CUX2: variants seen among roughly 807,000 people sequenced by gnomAD.
CUX2 encodes the protein cut like homeobox 2, also known as homeobox protein cut-like 2.
In CUX2, 40 loss-of-function variants were observed where a neutral mutation model predicts 144.8. That is an observed-to-expected ratio of 0.28 (90% CI 0.21 to 0.36). The LOEUF (loss-of-function observed/expected upper bound fraction) is 0.36. CUX2 is among the 10% of genes least tolerant of loss of function. The probability of loss-of-function intolerance (pLI) is 1.00; values close to 1 mark genes in which losing one functional copy is unlikely to be tolerated. For missense variants in CUX2, 1,615 were observed against 1,994.0 expected (o/e 0.81, Z 3.62); for synonymous variants, 827 against 875.6 (o/e 0.94, Z 0.98).
chr12:111,188,700 G>A (rs1313227570), intron 1 of CUX2, among the ~76,000 whole-genome samples: 1 of 152,142 alleles, frequency 6.6e-6, no homozygotes, highest in Non-Finnish European at 1.5e-5. Flanking sequence ...TGCTGGCCCT[G>A]GGGAGCATTT....
In CUX2 at chr12:111,130,633, A is replaced by G. The variant is rs181589119; in HGVS notation, c.64-83567A>G. On this transcript the variant is annotated intron_variant, in intron 1 of 21. Transcript: ENST00000261726. Reference sequence around the variant, plus strand: ...TTATTTCTCACAGTGTTGGTTGATAATCATGTCTCTGGTCCTTCCCAGTGT... The same window carrying G: ...TTATTTCTCACAGTGTTGGTTGATAGTCATGTCTCTGGTCCTTCCCAGTGT... Among the ~76,000 whole-genome samples, 7 of 145,510 alleles carry G rather than the reference A, an allele frequency of 4.8e-5. No individual in the cohort carries two copies. The East Asian group carries it at 1.2e-3, about 24-fold the overall frequency.
At position 111,334,617 on chromosome 12, in the gene CUX2, G is replaced by A. The variant is rs1255401639; in HGVS notation, c.3103G>A (p.Gly1035Arg). Reference protein sequence around the residue: ...GKMYSGSQAPGGIQEIVAMSP... With the variant: ...GKMYSGSQAPRGIQEIVAMSP... ...GATGTACTCAGGCAGCCAGGCCCCA[G>A]GGGGCATCCAGGAGATCGTGGCCAT... The change falls in exon 19 of 22, where the codon GGG becomes AGG. Residue 1035 changes from glycine to arginine, a missense_variant. Physicochemically the swap from Gly to Arg is moderately radical, Grantham distance 125. This residue lies in a region of CUX2 where 128 missense variants were observed against 124.4 expected (regional missense o/e 1.03). Transcript: ENST00000261726. 6.2e-7 allele frequency: 1 copy of A among 1,614,022 alleles called. No homozygotes were observed. The highest frequency in any genetic ancestry group is 8.5e-7 in the Non-Finnish European group (1 of 1,180,018).
intron 3 of CUX2, among the ~76,000 whole-genome samples, chr12:111,248,802 G>A (rs954740671): frequency 6.6e-6 from 1 of 152,214 alleles, no homozygotes. Flanking sequence ...AGGGTGGCCA[G>A]ATCCTCTAAT....
At chr12:111,070,107 G>C (rs1296388746) in intron 1 of CUX2, among the ~76,000 whole-genome samples, 1 of 152,170 alleles carries the variant, frequency 6.6e-6, no homozygotes, top group African/African-American at 2.4e-5. Context: ...TGCTCTGCCT[G>C]GTCTTACAAG....
At chr12:111,339,793 A>T (rs781426539) in intron 20 of CUX2, among the ~76,000 whole-genome samples, 4 of 152,240 alleles carry the variant, frequency 2.6e-5, no homozygotes, top group African/African-American at 7.2e-5. Context: ...CTGGGCCATC[A>T]TCATCAGACA....
intron 1 of CUX2, among the ~76,000 whole-genome samples, chr12:111,210,740 T>C (rs1881176759): frequency 6.6e-6 from 1 of 151,528 alleles, no homozygotes; most frequent in Admixed American, 6.6e-5. Flanking sequence ...GAGGCTGCAG[T>C]GAGCTGTGAC....
chr12:111,321,813 G>A (rs139432766), intron 17 of CUX2, among the ~76,000 whole-genome samples: 11 of 152,318 alleles, frequency 7.2e-5, no homozygotes, highest in Non-Finnish European at 1.3e-4. Flanking sequence ...CTTTAGCAAG[G>A]GAATAGGCAA....
chr12:111,233,531 G>A (rs754856406), intron 3 of CUX2, among the ~76,000 whole-genome samples: 13 of 152,160 alleles, frequency 8.5e-5, no homozygotes, highest in Non-Finnish European at 1.9e-4. Context: ...CCAGAACTGA[G>A]CAGAGGTCCT....
rs1254503452 is a variant in CUX2, at chr12:111,077,572, G to T, written c.63+43332G>T. ...GGTTTTCGATGTCAGCAGCTCTCTTGATAACGTATGAAAGAATCCTATTCT... is the reference window on the plus strand; with the variant it reads ...GGTTTTCGATGTCAGCAGCTCTCTTTATAACGTATGAAAGAATCCTATTCT... On this transcript the variant is annotated intron_variant, in intron 1 of 21. Transcript: ENST00000261726. This position sits in a 1 kb window ranked among gnomAD's most constrained non-coding sequence, Gnocchi z 4.1. Among the ~76,000 whole-genome samples, 1 of 152,198 alleles carries T rather than the reference G, an allele frequency of 6.6e-6. No individual in the cohort carries two copies. Among genetic ancestry groups the T allele is most frequent in the Non-Finnish European group, 1.5e-5 (1 of 68,038 alleles).
chr12:111,231,357 C>T (rs1358431546), intron 3 of CUX2, among the ~76,000 whole-genome samples: 3 of 152,222 alleles, frequency 2.0e-5, no homozygotes, highest in Non-Finnish European at 4.4e-5. Flanking sequence ...AAGGTTCACA[C>T]ATGTGGTATT....
intron 1 of CUX2, among the ~76,000 whole-genome samples, chr12:111,211,111 T>A (rs753587370): frequency 6.6e-6 from 1 of 152,222 alleles, no homozygotes; most frequent in South Asian, 2.1e-4. Flanking sequence ...AAGCTTTCCA[T>A]AAATGGTAGT....
At position 111,307,161 on chromosome 12, in the gene CUX2, A is replaced by G; in HGVS notation, c.1051-38A>G. 2 of 1,613,996 alleles carry G rather than the reference A, an allele frequency of 1.2e-6. No homozygotes were observed. On this transcript the variant is annotated intron_variant, in intron 11 of 21. Coordinates refer to ENST00000261726, the MANE Select transcript of CUX2 (RefSeq NM_015267.4). This position sits in a 1 kb window ranked among gnomAD's most constrained non-coding sequence, Gnocchi z 4.1. Reference sequence around the variant, plus strand: ...CGGGCAGGCGGCCCCATGCAGAAGCACACAGACCAGCCTCACCATCTTTCT... The same window carrying G: ...CGGGCAGGCGGCCCCATGCAGAAGCGCACAGACCAGCCTCACCATCTTTCT...
At chr12:111,079,441 G>T (rs968125598) in intron 1 of CUX2, among the ~76,000 whole-genome samples, 7 of 152,168 alleles carry the variant, frequency 4.6e-5, no homozygotes, top group African/African-American at 1.7e-4. Flanking sequence ...GGCAGGGGCA[G>T]TCGCTTGCCT....
intron 1 of CUX2, among the ~76,000 whole-genome samples, chr12:111,074,068 C>G (rs532479314): frequency 2.1e-5 from 3 of 144,628 alleles, no homozygotes; most frequent in African/African-American, 8.7e-5. Flanking sequence ...CATTGTTTAT[C>G]TGAAATGAAA....
In CUX2 at chr12:111,160,365, G is replaced by A. The variant is rs1877674971; in HGVS notation, c.64-53835G>A. On this transcript the variant is annotated intron_variant, in intron 1 of 21. Coordinates refer to ENST00000261726, the MANE Select transcript of CUX2 (RefSeq NM_015267.4). The surrounding 1 kb of genome is among the most constrained non-coding windows in gnomAD (Gnocchi z 4.1). ...GTGTGCAGGGTGCGTGTCAGAGTGT[G>A]TATGGGCAAGCATGTGTGTGCGGGC... 6.6e-6 allele frequency among the ~76,000 whole-genome samples: 1 copy of A among 152,098 alleles called. No individual in the cohort carries two copies. Among genetic ancestry groups the A allele is most frequent in the Non-Finnish European group, 1.5e-5 (1 of 68,020 alleles).
chr12:111,265,083 T>C (rs1448007647), intron 4 of CUX2, among the ~76,000 whole-genome samples: 2 of 152,044 alleles, frequency 1.3e-5, no homozygotes, highest in Non-Finnish European at 2.9e-5. Flanking sequence ...GTTGTATGAA[T>C]TTCACCTTAA....
rs968522848 is a variant in CUX2, at chr12:111,035,168, C to T, written c.63+928C>T. Among the ~76,000 whole-genome samples the T allele has an allele frequency of 7.2e-5, 11 of 152,204 alleles. No individual in the cohort carries two copies. The highest frequency in any genetic ancestry group is 4.6e-4 in the Admixed American group (7 of 15,288). On this transcript the variant is annotated intron_variant, in intron 1 of 21. Coordinates refer to ENST00000261726, the MANE Select transcript of CUX2 (RefSeq NM_015267.4). This position sits in a 1 kb window ranked among gnomAD's most constrained non-coding sequence, Gnocchi z 6.0. Reference sequence around the variant, plus strand: ...CTTGCTTGTTCTGCCTCCTGCGTTTCTCCCCGCTGCTCCCCTCGTCTCCTC... The same window carrying T: ...CTTGCTTGTTCTGCCTCCTGCGTTTTTCCCCGCTGCTCCCCTCGTCTCCTC...
chr12:111,237,115 C>T (rs1466018420), intron 3 of CUX2, among the ~76,000 whole-genome samples: 1 of 152,210 alleles, frequency 6.6e-6, no homozygotes, highest in African/African-American at 2.4e-5. Flanking sequence ...CACCATTGCA[C>T]TCCAGCCCGG....
Position 111,304,151 on chromosome 12 carries a change from G to A in CUX2, c.754-59G>A. On this transcript the variant is annotated intron_variant, in intron 9 of 21. Transcript: ENST00000261726. The surrounding 1 kb of genome is among the most constrained non-coding windows in gnomAD (Gnocchi z 4.7). ...CAACCCCTGCCTGAAACAGTGCAGG[G>A]AGAAGGTGGAAGTGCAGAGTGGGCT... 1.4e-6 allele frequency: 2 copies of A among 1,392,202 alleles called. No homozygotes were observed. The highest frequency in any genetic ancestry group is 2.0e-6 in the Non-Finnish European group (2 of 995,898). 86.2% of individuals were successfully genotyped at this position (1,392,202 alleles called of 1,614,324 possible). A position where few individuals can be genotyped will look rare whatever the true frequency, so the allele number is the denominator to read the frequency against.
Sources: gnomAD v4.1 joint callset for allele counts (sites outside exome capture counted in the v4.1 genomes callset) on GRCh38, gnomAD v4.1.1 for gene constraint, gnomAD v4.1.1 regional missense constraint, Gnocchi (gnomAD v3.1) non-coding constraint, MANE v1.5 for transcripts, NCBI Gene and HGNC (gene_info 2026-07-23, HGNC 2026-07-21) for gene names.